Variants in PCDH15 observed in about 807,000 individuals in gnomAD.
PCDH15 encodes the protein protocadherin-15.
A neutral mutation model predicts 178.5 loss-of-function variants in PCDH15; 129 were observed. That is an observed-to-expected ratio of 0.72 (90% CI 0.63 to 0.84). The LOEUF (loss-of-function observed/expected upper bound fraction) is 0.84. Ranked by LOEUF, PCDH15 falls within the 40% of genes least tolerant of loss-of-function variation. The pLI is 0.00. For missense variants in PCDH15, 2,230 were observed against 2,099.9 expected, an observed-to-expected ratio of 1.06 and a Z score of -1.21; for synonymous variants, 800 against 732.0, an observed-to-expected ratio of 1.09 and a Z score of -1.50.
chr10:54,145,768 C>T (rs1404392889), intron 14 of PCDH15, among the ~76,000 whole-genome samples: 1 of 152,030 alleles, frequency 6.6e-6, no homozygotes, highest in Non-Finnish European at 1.5e-5. Context: ...AGAGGTGGGA[C>T]TCATGGGCTA....
At chr10:54,812,873 C>T (rs1262996038) in intron 3 of PCDH15, among the ~76,000 whole-genome samples, 2 of 152,142 alleles carry the variant, frequency 1.3e-5, no homozygotes, top group Admixed American at 6.5e-5. Flanking sequence ...TGCTTCCTCT[C>T]TTTAAATAGC....
chr10:53,823,165 C>T (rs2076419094), intron 32 of PCDH15: 1 of 1,613,846 alleles, frequency 6.2e-7, no homozygotes. Context: ...GCACTTAAGT[C>T]ATCCTCATCA....
intron 1 of PCDH15, among the ~76,000 whole-genome samples, chr10:54,687,576 T>G (rs116686193): frequency 1.8e-3 from 280 of 152,274 alleles, no homozygotes; most frequent in African/African-American, 6.4e-3. Context: ...GAATCCAGTT[T>G]GAGCAAGATT....
At chr10:53,991,329 C>T (rs528588802) in intron 21 of PCDH15, among the ~76,000 whole-genome samples, 1 of 152,340 alleles carries the variant, frequency 6.6e-6, no homozygotes, top group South Asian at 2.1e-4. Context: ...ATTGTACATG[C>T]ACCAATCAGC....
chr10:54,873,098 A>C (rs1954069124), intron 3 of PCDH15, among the ~76,000 whole-genome samples: 1 of 152,180 alleles, frequency 6.6e-6, no homozygotes, highest in African/African-American at 2.4e-5. Flanking sequence ...TCAAACAAAT[A>C]GTAAATTTGA....
intron 11 of PCDH15, among the ~76,000 whole-genome samples, chr10:54,190,878 C>T (rs1280644087): frequency 1.3e-5 from 2 of 152,100 alleles, no homozygotes; most frequent in Admixed American, 6.5e-5. Flanking sequence ...GACATAAATC[C>T]ATCTTCTAAT....
chr10:54,723,328 GA>G (rs1566041984), intron 1 of PCDH15, among the ~76,000 whole-genome samples: 2 of 151,670 alleles, frequency 1.3e-5, no homozygotes. Flanking sequence ...ATGATGCTGG[GA>G]AAATTGGCTA....
At chr10:55,156,922 C>T (rs1187178031) in intron 2 of PCDH15, among the ~76,000 whole-genome samples, 1 of 152,104 alleles carries the variant, frequency 6.6e-6, no homozygotes, top group African/African-American at 2.4e-5. Flanking sequence ...AAAATGAAGT[C>T]ATGACCAATG....
At chr10:54,149,405 G>A (rs1466127551) in intron 14 of PCDH15, among the ~76,000 whole-genome samples, 1 of 152,072 alleles carries the variant, frequency 6.6e-6, no homozygotes, top group African/African-American at 2.4e-5. Flanking sequence ...ACACCTGAAG[G>A]AAATGAGGCC....
chr10:54,515,902 T>C (rs985023163), intron 3 of PCDH15, among the ~76,000 whole-genome samples: 5 of 152,214 alleles, frequency 3.3e-5, no homozygotes, highest in Admixed American at 6.5e-5. Flanking sequence ...GGAGGGGACC[T>C]CTAGCAAACT....
At chr10:53,964,298 T>A (rs1016765132) in intron 21 of PCDH15, among the ~76,000 whole-genome samples, 1 of 151,640 alleles carries the variant, frequency 6.6e-6, no homozygotes, top group African/African-American at 2.4e-5. Flanking sequence ...GGACTGTAGC[T>A]GAGTACCTTG....
At chr10:54,817,940 G>A (rs1189425376) in intron 3 of PCDH15, among the ~76,000 whole-genome samples, 2 of 151,882 alleles carry the variant, frequency 1.3e-5, no homozygotes, top group Non-Finnish European at 2.9e-5. Flanking sequence ...AATTACTTAT[G>A]TGCCTAAATA....
At chr10:55,149,897 G>T (rs1303993732) in intron 2 of PCDH15, among the ~76,000 whole-genome samples, 3 of 151,918 alleles carry the variant, frequency 2.0e-5, no homozygotes, top group Non-Finnish European at 2.9e-5. Flanking sequence ...GTACATATTG[G>T]ATTACAATTA....
chr10:54,393,583 C>T (rs2135361254), intron 3 of PCDH15, among the ~76,000 whole-genome samples: 2 of 152,278 alleles, frequency 1.3e-5, no homozygotes, highest in East Asian at 3.9e-4. Context: ...GCTTCATTTA[C>T]ATCACAAAAA....
At chr10:54,790,762 C>A (rs1406140661) in intron 1 of PCDH15, among the ~76,000 whole-genome samples, 1 of 151,658 alleles carries the variant, frequency 6.6e-6, no homozygotes, top group Non-Finnish European at 1.5e-5. Flanking sequence ...AATGGAGAAG[C>A]AGGATTAATC....
intron 14 of PCDH15, among the ~76,000 whole-genome samples, chr10:54,133,878 T>C (rs113855174): frequency 0.39 from 45,566 of 117,978 alleles, 9,111 homozygotes; most frequent in African/African-American, 0.55. Flanking sequence ...CACACACACA[T>C]ATATACACAT....
chr10:54,045,651 T>C (rs1424028045), intron 18 of PCDH15, among the ~76,000 whole-genome samples: 3 of 152,052 alleles, frequency 2.0e-5, no homozygotes, highest in African/African-American at 7.2e-5. Flanking sequence ...ATATATATAT[T>C]TATATAGAAG....
intron 2 of PCDH15, among the ~76,000 whole-genome samples, chr10:55,139,039 C>A (rs2132086279): frequency 6.6e-6 from 1 of 151,994 alleles, no homozygotes; most frequent in African/African-American, 2.4e-5. Flanking sequence ...AGGATATTTC[C>A]TTGTGATTTT....
chr10:55,583,793 T>A (rs1374766294), intron 2 of PCDH15, among the ~76,000 whole-genome samples: 1 of 152,172 alleles, frequency 6.6e-6, no homozygotes, highest in Admixed American at 6.6e-5. Context: ...TGCAATCTTT[T>A]CACCACTTTT....
Sources: allele counts gnomAD v4.1 joint callset (sites outside exome capture counted in the v4.1 genomes callset), GRCh38; gene constraint gnomAD v4.1.1; transcripts MANE v1.5; gene names NCBI Gene and HGNC (gene_info 2026-07-23, HGNC 2026-07-21).